The following KBTBD2 variants were observed in gnomAD, a reference collection of about 807,000 sequenced individuals.
KBTBD2 encodes the protein kelch repeat and BTB domain-containing protein 2.
In KBTBD2, 17 loss-of-function variants were observed where a neutral mutation model predicts 57.1. The ratio of observed to expected loss-of-function variants is 0.30; its 90% CI spans 0.20 to 0.45. The LOEUF is 0.45. Among genes scored for constraint, KBTBD2 ranks in the 20% least tolerant of loss-of-function variants. The pLI, the probability that KBTBD2 is intolerant of heterozygous loss-of-function variation, is 1.00. For synonymous variants in KBTBD2, 267 were observed against 262.7 expected (o/e 1.02, Z -0.16); for missense variants, 515 against 750.6 (o/e 0.69, Z 3.67).
rs150642472 is a variant in KBTBD2, at chr7:32,873,644, G to C, written c.336+1348C>G. Among the ~76,000 whole-genome samples, 711 of 152,284 alleles carry C rather than the reference G, an allele frequency of 4.7e-3. 8 individuals carry two copies. Among genetic ancestry groups the C allele is most frequent in the African/African-American group, 0.016 (680 of 41,566 alleles). Reference sequence around the variant, plus strand: ...AGCTATTCAGGAGGCTGAGGCAGGAGAATCACTTGAACCCAGGAGGCAGAG... The same window carrying C: ...AGCTATTCAGGAGGCTGAGGCAGGACAATCACTTGAACCCAGGAGGCAGAG... On this transcript the variant is annotated intron_variant, in intron 3 of 3. Transcript: ENST00000304056.
chr7:32,878,110 TAA>T (rs75747214), intron 2 of KBTBD2, among the ~76,000 whole-genome samples: 30 of 134,386 alleles, frequency 2.2e-4, no homozygotes, highest in Non-Finnish European at 3.1e-4. Flanking sequence ...CGACTGTCTT[TAA>T]AAAAAAAAAA....
chr7:32,870,267 T>C lies in KBTBD2; in HGVS notation c.950A>G (p.Asp317Gly). The stretch of plus-strand genomic sequence containing the variant: ...AACTTGACCCCCTGCTATGTAGATA[T>C]CATTATCAGGAGTTACAACGGTCCC... ...KVGTVVTPDN[D>G]IYIAGGQVPL... Residue 317 changes from aspartate (D) to glycine (G), a missense_variant, in exon 4 of 4, where the codon GAT (aspartate) becomes GGT (glycine). By Grantham distance (94) the Asp-to-Gly change is moderately conservative. Transcript: ENST00000304056. 2 of 1,614,178 alleles carry C rather than the reference T, an allele frequency of 1.2e-6. No individual in the cohort carries two copies. Among genetic ancestry groups the C allele is most frequent in the Non-Finnish European group, 1.7e-6 (2 of 1,180,034 alleles).
At chr7:32,888,961 T>C (rs139067001) in intron 1 of KBTBD2, among the ~76,000 whole-genome samples, 3 of 152,288 alleles carry the variant, frequency 2.0e-5, no homozygotes, top group Admixed American at 6.5e-5. Flanking sequence ...CTATGTCCTT[T>C]TATTTTGGGT....
chr7:32,877,839 T>C (rs773518116), intron 2 of KBTBD2, among the ~76,000 whole-genome samples: 1 of 152,190 alleles, frequency 6.6e-6, no homozygotes, highest in Non-Finnish European at 1.5e-5. Flanking sequence ...CTGGGTACAG[T>C]GGCTCACACC....
At chr7:32,889,339 A>T (rs1298504305) in intron 1 of KBTBD2, among the ~76,000 whole-genome samples, 3 of 151,038 alleles carry the variant, frequency 2.0e-5, no homozygotes, top group Non-Finnish European at 4.4e-5. Context: ...GCGGTAGCTC[A>T]CGCCTGTAAT....
rs1242382700 is a variant in KBTBD2 at position 32,869,318 on chromosome 7, C to G, written c.*27G>C. 2 of 1,480,782 alleles carry G rather than the reference C, an allele frequency of 1.4e-6. No homozygotes were observed. Among genetic ancestry groups the G allele is most frequent in the African/African-American group, 2.8e-5 (2 of 71,294 alleles). The allele number at this position is 1,480,782 out of a possible 1,614,324, so 91.7% of individuals were successfully genotyped here. On this transcript the variant is annotated 3_prime_UTR_variant, in exon 4 of 4. Coordinates refer to ENST00000304056, the MANE Select transcript of KBTBD2 (RefSeq NM_015483.3). Reference sequence around the variant, plus strand: ...AAAGAAAATGACAAAGCACATAACTCAGGCGTGCACTCCCTGAACTTCCCC... The same window carrying G: ...AAAGAAAATGACAAAGCACATAACTGAGGCGTGCACTCCCTGAACTTCCCC...
intron 1 of KBTBD2, among the ~76,000 whole-genome samples, chr7:32,887,127 G>A (rs1331962688): frequency 6.6e-6 from 1 of 152,022 alleles, no homozygotes; most frequent in Non-Finnish European, 1.5e-5. Context: ...TAGAGACTGA[G>A]GAACGAATAA....
intron 1 of KBTBD2, among the ~76,000 whole-genome samples, chr7:32,886,779 AC>A (rs756516758): frequency 4.6e-5 from 7 of 152,278 alleles, no homozygotes; most frequent in Non-Finnish European, 1.0e-4. Flanking sequence ...AAGAAAATTT[AC>A]AAAGTAAATA....
chr7:32,870,726 T>A lies in KBTBD2; in HGVS notation c.491A>T (p.Tyr164Phe), dbSNP rs764566396. Residue 164 changes from tyrosine to phenylalanine, a missense_variant, in exon 4 of 4, where the codon TAT becomes TTT. Tyr to Phe is a conservative substitution (Grantham distance 22, BLOSUM62 3). Transcript: ENST00000304056. ...RMVEHKFTAV[Y>F]HQDAFMQLSH... is the part of the protein sequence containing the mutation. ...CAGCTGCATGAACGCGTCCTGATGA[T>A]ACACAGCAGTGAACTTGTGCTCCAC... The A allele has an allele frequency of 1.2e-5, 20 of 1,614,100 alleles. No homozygotes were observed. The highest frequency in any genetic ancestry group is 1.6e-5 in the Non-Finnish European group (19 of 1,180,046).
At chr7:32,873,833 A>G (rs1784241049) in intron 3 of KBTBD2, among the ~76,000 whole-genome samples, 1 of 152,256 alleles carries the variant, frequency 6.6e-6, no homozygotes, top group Admixed American at 6.5e-5. Context: ...TCTTTTATTA[A>G]CAGATTTACA....
chr7:32,877,587 C>T (rs765641057), intron 2 of KBTBD2, among the ~76,000 whole-genome samples: 1 of 152,066 alleles, frequency 6.6e-6, no homozygotes, highest in Non-Finnish European at 1.5e-5. Context: ...GTAAAGATCT[C>T]GAAATCTACA....
At chr7:32,885,126 T>C (rs939406153) in intron 1 of KBTBD2, among the ~76,000 whole-genome samples, 9 of 151,530 alleles carry the variant, frequency 5.9e-5, no homozygotes, top group African/African-American at 2.2e-4. Flanking sequence ...TCCACTTGCC[T>C]TGGCCTCCCA....
chr7:32,873,222 G>A (rs1784225442), intron 3 of KBTBD2, among the ~76,000 whole-genome samples: 1 of 151,866 alleles, frequency 6.6e-6, no homozygotes, highest in Non-Finnish European at 1.5e-5. Flanking sequence ...GAGTAAAACA[G>A]TTTGTCATAC....
intron 2 of KBTBD2, among the ~76,000 whole-genome samples, chr7:32,877,358 G>A (rs1204400587): frequency 6.6e-6 from 1 of 152,196 alleles, no homozygotes; most frequent in Non-Finnish European, 1.5e-5. Context: ...GTAACAGGCT[G>A]AAGTACCACA....
intron 2 of KBTBD2, 146 bp from the exon 3 acceptor site, chr7:32,875,303 GCT>G (rs1362058144): frequency 8.9e-6 from 6 of 677,534 alleles, no homozygotes; most frequent in African/African-American, 3.7e-5. Context: ...ACAGGGTCTT[GCT>G]CTGTCCCCCA....
intron 1 of KBTBD2, among the ~76,000 whole-genome samples, chr7:32,885,015 TATACACACAC>T (rs1784540683): frequency 4.3e-5 from 6 of 140,480 alleles, no homozygotes; most frequent in South Asian, 4.4e-4. Context: ...TATATATATA[TATACACACAC>T]ATACACACAC....
At chr7:32,891,387 G>T (rs1218786378) in intron 1 of KBTBD2, 149 bp downstream of exon 1, 1 of 148,334 alleles carries the variant, frequency 6.7e-6, no homozygotes, top group Non-Finnish European at 1.5e-5. Flanking sequence ...CGGCGGAAGC[G>T]TCTCGGGTTT....
At chr7:32,873,671 T>C (rs1784237285) in intron 3 of KBTBD2, among the ~76,000 whole-genome samples, 1 of 151,944 alleles carries the variant, frequency 6.6e-6, no homozygotes, top group East Asian at 1.9e-4. Flanking sequence ...GAGGCAGAGG[T>C]TGTTGTGAGC....
intron 1 of KBTBD2, among the ~76,000 whole-genome samples, chr7:32,885,613 A>C (rs1784559562): frequency 6.6e-6 from 1 of 152,156 alleles, no homozygotes; most frequent in Non-Finnish European, 1.5e-5. Flanking sequence ...AGGTGCTTCC[A>C]GATTAGTAAG....
Sources: allele counts gnomAD v4.1 joint callset (sites outside exome capture counted in the v4.1 genomes callset), GRCh38; gene constraint gnomAD v4.1.1; transcripts MANE v1.5; gene names NCBI Gene and HGNC (gene_info 2026-07-23, HGNC 2026-07-21).